Variants in OPN5 observed in about 807,000 individuals in gnomAD.
OPN5 encodes opsin 5.
A neutral mutation model predicts 41.7 loss-of-function variants in OPN5; 18 were observed. The observed-to-expected ratio is 0.43, with a 90% confidence interval of 0.30 to 0.64. The LOEUF (loss-of-function observed/expected upper bound fraction) is 0.64. OPN5 is among the 30% of genes least tolerant of loss of function. OPN5 has a pLI of 0.13. For synonymous variants in OPN5, 178 were observed against 164.3 expected (o/e 1.08, Z -0.64); for missense variants, 318 against 434.5 (o/e 0.73, Z 2.38).
At chr6:47,820,316 G>C (rs1418900491) in intron 6 of OPN5, among the ~76,000 whole-genome samples, 1 of 152,168 alleles carries the variant, frequency 6.6e-6, no homozygotes, top group Non-Finnish European at 1.5e-5. Context: ...AGAATTTATA[G>C]AGCCTGCTCA....
chr6:47,821,352 G>A (rs1462964379), intron 6 of OPN5, among the ~76,000 whole-genome samples: 1 of 152,230 alleles, frequency 6.6e-6, no homozygotes, highest in African/African-American at 2.4e-5. Flanking sequence ...GGTGTGGGAG[G>A]GGATGGAACC....
intron 3 of OPN5, 62 bp downstream of exon 3, chr6:47,792,034 G>A (rs558603511): frequency 9.2e-6 from 11 of 1,189,572 alleles, no homozygotes; most frequent in African/African-American, 9.1e-5. Context: ...TGTTAGAACT[G>A]TACATATTTT....
At chr6:47,822,503 A>T (rs512235) in intron 6 of OPN5, among the ~76,000 whole-genome samples, 3,105 of 152,270 alleles carry the variant, frequency 0.02, 109 homozygotes, top group African/African-American at 0.072. Flanking sequence ...AAATTTCCCA[A>T]TTTTTACGCT....
rs368624676 is a variant in OPN5, at chr6:47,802,451, A to G, written c.757-5703A>G. ...ACTCAGCATCTTGATGAATTCACCT[A>G]AAGCAAACCATTTAATCCTGCTGGG... On this transcript the variant is annotated intron_variant, in intron 4 of 6. Coordinates refer to ENST00000371211, the Ensembl canonical transcript of OPN5. 9.2e-5 allele frequency among the ~76,000 whole-genome samples: 14 copies of G among 152,266 alleles called. No homozygotes were observed. The South Asian group carries it at 2.5e-3, about 27-fold the overall frequency.
chr6:47,784,510 C>T (rs1269849983), intron 1 of OPN5, among the ~76,000 whole-genome samples: 3 of 152,128 alleles, frequency 2.0e-5, no homozygotes, highest in Admixed American at 6.5e-5. Context: ...GTTGGCCAGG[C>T]TGGTATTGAA....
intron 6 of OPN5, among the ~76,000 whole-genome samples, chr6:47,812,348 G>C (rs549733615): frequency 6.6e-6 from 1 of 152,264 alleles, no homozygotes; most frequent in East Asian, 1.9e-4. Context: ...TTTTACCTGC[G>C]TGGATTTTCT....
chr6:47,795,184 T>G, intron 3 of OPN5, 45 bp from the exon 4 acceptor site: 1 of 1,400,888 alleles, frequency 7.1e-7, no homozygotes. Context: ...GGTATCTGGG[T>G]GTAGGGCAGA....
chr6:47,796,541 A>T (rs9473179), intron 4 of OPN5, among the ~76,000 whole-genome samples: 22,379 of 151,900 alleles, frequency 0.15, 1,761 homozygotes, highest in Middle Eastern at 0.17. Context: ...AACCCCCCAA[A>T]TTTTCTCTTC....
intron 2 of OPN5, 62 bp downstream of exon 2, chr6:47,786,696 A>G (rs942964015): frequency 8.4e-6 from 12 of 1,425,996 alleles, no homozygotes; most frequent in Non-Finnish European, 1.2e-5. Context: ...TAAAGTACTC[A>G]CTGTCTCAAA....
At chr6:47,795,251 C>T (rs759743748) in exon 4 of OPN5, 42 of 1,603,626 alleles carry the variant, frequency 2.6e-5, no homozygotes, top group African/African-American at 6.7e-5. Flanking sequence ...AAAGAAAGCA[C>T]GCCTACATCT....
chr6:47,782,225 G>C (rs1391926714), intron 1 of OPN5, 29 bp downstream of exon 1: 13 of 1,606,380 alleles, frequency 8.1e-6, no homozygotes, highest in Non-Finnish European at 8.5e-6. Flanking sequence ...TCTGTGCAAA[G>C]GCTGCATTTA....
chr6:47,824,088 C>A, exon 7 of OPN5: 2 of 938,792 alleles, frequency 2.1e-6, no homozygotes, highest in South Asian at 1.4e-5. Context: ...TCTGACTTCT[C>A]GCCTCCACTC....
chr6:47,816,068 G>A (rs777864488), intron 6 of OPN5, among the ~76,000 whole-genome samples: 8 of 152,172 alleles, frequency 5.3e-5, no homozygotes, highest in Middle Eastern at 3.4e-3. Context: ...TGCTTTGTTG[G>A]TTTTGTTTTA....
chr6:47,822,103 C>A (rs1373369152), intron 6 of OPN5, among the ~76,000 whole-genome samples: 4 of 131,728 alleles, frequency 3.0e-5, no homozygotes, highest in Non-Finnish European at 3.2e-5. Flanking sequence ...CAGTGAGACT[C>A]TGTCTCAAAA....
At chr6:47,801,990 A>G (rs137930311) in intron 4 of OPN5, among the ~76,000 whole-genome samples, 48 of 152,338 alleles carry the variant, frequency 3.2e-4, no homozygotes, top group Non-Finnish European at 5.7e-4. Context: ...GAGGTGTTAC[A>G]TAGTCAATGT....
At chr6:47,794,202 C>T (rs1008234518) in intron 3 of OPN5, among the ~76,000 whole-genome samples, 1 of 152,180 alleles carries the variant, frequency 6.6e-6, no homozygotes, top group African/African-American at 2.4e-5. Flanking sequence ...TAGGCCTGAC[C>T]GACTTTCCAA....
chr6:47,793,506 T>A (rs907817548), intron 3 of OPN5, among the ~76,000 whole-genome samples: 1 of 152,182 alleles, frequency 6.6e-6, no homozygotes, highest in Non-Finnish European at 1.5e-5. Flanking sequence ...CGTGGTAAAC[T>A]GTTTTAAGGC....
At chr6:47,794,254 T>C (rs1773474425) in intron 3 of OPN5, among the ~76,000 whole-genome samples, 1 of 152,216 alleles carries the variant, frequency 6.6e-6, no homozygotes, top group South Asian at 2.1e-4. Flanking sequence ...TGAGTCTATA[T>C]TGAAGTAATC....
At chr6:47,807,260 AG>A (rs1774007060) in intron 4 of OPN5, among the ~76,000 whole-genome samples, 1 of 152,178 alleles carries the variant, frequency 6.6e-6, no homozygotes, top group African/African-American at 2.4e-5. Flanking sequence ...TTTGTATTCT[AG>A]AGGGATACAA....
Sources: gnomAD v4.1 joint callset for allele counts (sites outside exome capture counted in the v4.1 genomes callset) on GRCh38, gnomAD v4.1.1 for gene constraint, MANE v1.5 for transcripts, NCBI Gene and HGNC (gene_info 2026-07-23, HGNC 2026-07-21) for gene names.